The following KCNQ3 variants were observed in gnomAD, a reference collection of about 807,000 sequenced individuals.
KCNQ3 encodes potassium voltage-gated channel subfamily Q member 3, also known as potassium voltage-gated channel subfamily KQT member 3.
KCNQ3 carries 30 observed loss-of-function variants against 92.5 expected under a neutral mutation model. The ratio of observed to expected loss-of-function variants is 0.32; its 90% CI spans 0.24 to 0.44. KCNQ3 has a LOEUF of 0.44. KCNQ3 is among the 20% of genes least tolerant of loss of function. The pLI, the probability that KCNQ3 is intolerant of heterozygous loss-of-function variation, is 1.00. For synonymous variants in KCNQ3, 450 were observed against 468.8 expected (o/e 0.96, Z 0.52); for missense variants, 913 against 1,140.3 (o/e 0.80, Z 2.87).
At chr8:132,223,833 T>A (rs1027448152) in intron 1 of KCNQ3, among the ~76,000 whole-genome samples, 2 of 152,126 alleles carry the variant, frequency 1.3e-5, no homozygotes, top group Non-Finnish European at 2.9e-5. Context: ...GGGGGCACAA[T>A]ACCTGGCATA....
At chr8:132,408,698 T>G (rs1026598055) in intron 1 of KCNQ3, among the ~76,000 whole-genome samples, 9 of 152,230 alleles carry the variant, frequency 5.9e-5, no homozygotes, top group Admixed American at 5.9e-4. Context: ...CCAAATCTAG[T>G]GAGCCATAAA....
Position 132,180,228 on chromosome 8 carries a change from G to T in KCNQ3, c.706C>A (p.Arg236Ser). The T allele has an allele frequency of 6.2e-7, 1 of 1,614,154 alleles. No homozygotes were observed. Among genetic ancestry groups the T allele is most frequent in the Non-Finnish European group, 8.5e-7 (1 of 1,180,040 alleles). The part of the protein sequence containing the change: ...LRSLRFLQIL[R>S]MLRMDRRGGT... ...CCTCTCCGGTCCATCCGCAGCATGCGCAGGATCTGCAGGAAGCGCAGGCTT... is the reference window on the plus strand; with the variant it reads ...CCTCTCCGGTCCATCCGCAGCATGCTCAGGATCTGCAGGAAGCGCAGGCTT... Residue 236 changes from arginine (R) to serine (S), a missense_variant, in exon 4 of 15, where the codon CGC (arginine) becomes AGC (serine). Transcript: ENST00000388996.
At chr8:132,140,243 G>A (rs982638756) in intron 10 of KCNQ3, 65 bp from the exon 11 acceptor site, 1 of 1,190,220 alleles carries the variant, frequency 8.4e-7, no homozygotes, top group Non-Finnish European at 1.2e-6. Flanking sequence ...GGACCCCACT[G>A]TTCGGTCAAA....
intron 1 of KCNQ3, among the ~76,000 whole-genome samples, chr8:132,434,069 G>C (rs553825042): frequency 6.6e-6 from 1 of 150,656 alleles, no homozygotes; most frequent in Non-Finnish European, 1.5e-5. Context: ...TTAGCCGGGC[G>C]TAGTGGCGGG....
intron 1 of KCNQ3, among the ~76,000 whole-genome samples, chr8:132,220,811 C>CA (rs1554633407): frequency 1.1e-5 from 1 of 92,602 alleles, no homozygotes; most frequent in Non-Finnish European, 2.3e-5. Context: ...TGGCATGAAA[C>CA]TTTTTTTTAT....
chr8:132,249,031 C>T (rs532640046), intron 1 of KCNQ3, among the ~76,000 whole-genome samples: 4 of 152,070 alleles, frequency 2.6e-5, no homozygotes, highest in African/African-American at 9.7e-5. Flanking sequence ...TGGATGTGTT[C>T]GGAGTTTCTT....
intron 1 of KCNQ3, among the ~76,000 whole-genome samples, chr8:132,343,856 C>T (rs1033655194): frequency 1.4e-4 from 21 of 152,102 alleles, no homozygotes; most frequent in Admixed American, 3.3e-4. Flanking sequence ...AAATGAAGGG[C>T]GTATCTGTGC....
intron 1 of KCNQ3, among the ~76,000 whole-genome samples, chr8:132,323,749 C>T (rs1276062239): frequency 6.6e-6 from 1 of 152,152 alleles, no homozygotes; most frequent in African/African-American, 2.4e-5. Flanking sequence ...GTTCTGTCCC[C>T]ATTCTCAGGT....
At chr8:132,294,703 A>C (rs1436077613) in intron 1 of KCNQ3, among the ~76,000 whole-genome samples, 1 of 152,232 alleles carries the variant, frequency 6.6e-6, no homozygotes, top group Non-Finnish European at 1.5e-5. Context: ...CTGCTCACCC[A>C]GAGTGATGCC....
rs539230336 is a variant in KCNQ3, at chr8:132,162,649, GA to G, written c.1262+818del. 8.4e-4 allele frequency among the ~76,000 whole-genome samples: 128 copies of G among 152,322 alleles called. 1 individual carries two copies. The highest frequency in any genetic ancestry group is 3.1e-3 in the African/African-American group (127 of 41,568). On this transcript the variant is annotated intron_variant, in intron 9 of 14. Coordinates refer to ENST00000388996, the MANE Select transcript of KCNQ3 (RefSeq NM_004519.4). ...CAGGAAAGAACCACGTGGTTCATTT[GA>G]AAACACACCCAAAGGAAACAGAACT... is the stretch of plus-strand genomic sequence containing the variant.
chr8:132,202,899 G>A (rs563950322), intron 1 of KCNQ3, among the ~76,000 whole-genome samples: 2 of 152,286 alleles, frequency 1.3e-5, no homozygotes, highest in South Asian at 4.1e-4. Context: ...TATAGCAACA[G>A]CCCCACCTCT....
chr8:132,213,203 C>T (rs28544982), intron 1 of KCNQ3, among the ~76,000 whole-genome samples: 1,783 of 152,284 alleles, frequency 0.012, 17 homozygotes, highest in South Asian at 0.049. Context: ...ACGCCAGCCA[C>T]TGCAATTATT....
intron 9 of KCNQ3, among the ~76,000 whole-genome samples, chr8:132,158,196 C>A (rs1825867332): frequency 6.6e-6 from 1 of 152,208 alleles, no homozygotes; most frequent in African/African-American, 2.4e-5. Context: ...TGTGTTCAAG[C>A]CTTTTGTTTT....
intron 2 of KCNQ3, 123 bp from the exon 3 acceptor site, chr8:132,184,490 AGGGATGGCT>A (rs1826897309): frequency 4.5e-6 from 3 of 671,718 alleles, no homozygotes; most frequent in Middle Eastern, 2.9e-4. Context: ...TCTGGTTGGC[AGGGATGGCT>A]GGGGATGGGG....
chr8:132,224,717 C>T lies in KCNQ3; in HGVS notation c.387-38536G>A, dbSNP rs1036002563. ...GCAGCTGAAAAATAAGCCAAATTTT[C>T]TAGTCCATATTCAACTCAAATACCT... On this transcript the variant is annotated intron_variant, in intron 1 of 14. Transcript: ENST00000388996. Among the ~76,000 whole-genome samples the T allele has an allele frequency of 1.1e-4, 17 of 151,880 alleles. 1 individual carries two copies. The highest frequency in any genetic ancestry group is 1.0e-4 in the Non-Finnish European group (7 of 67,994).
intron 1 of KCNQ3, among the ~76,000 whole-genome samples, chr8:132,232,877 A>T (rs748325710): frequency 4.6e-5 from 7 of 152,218 alleles, no homozygotes; most frequent in Non-Finnish European, 7.3e-5. Flanking sequence ...AAAGGTCTCC[A>T]TATCTTTCTT....
intron 1 of KCNQ3, among the ~76,000 whole-genome samples, chr8:132,311,461 A>C (rs572620319): frequency 1.4e-4 from 21 of 152,090 alleles, no homozygotes; most frequent in Non-Finnish European, 2.2e-4. Context: ...CAGAAAGGTC[A>C]AAATGATTTA....
chr8:132,136,059 C>A (rs1825071995), intron 12 of KCNQ3, among the ~76,000 whole-genome samples: 1 of 126,726 alleles, frequency 7.9e-6, no homozygotes, highest in Non-Finnish European at 1.6e-5. Context: ...GCAGAGGTTG[C>A]AGTGAGCCGA....
chr8:132,283,722 G>A (rs1243479269), intron 1 of KCNQ3, among the ~76,000 whole-genome samples: 6 of 152,336 alleles, frequency 3.9e-5, no homozygotes, highest in South Asian at 2.1e-4. Context: ...AAAATACGGA[G>A]AAGTATACGC....
Sources: gnomAD v4.1 joint callset for allele counts (sites outside exome capture counted in the v4.1 genomes callset) on GRCh38, gnomAD v4.1.1 for gene constraint, MANE v1.5 for transcripts, NCBI Gene and HGNC (gene_info 2026-07-23, HGNC 2026-07-21) for gene names.